Variants in SH3TC1 observed in about 807,000 individuals in gnomAD.
The protein encoded by SH3TC1 is SH3 domain and tetratricopeptide repeats 1.
In SH3TC1, 135 loss-of-function variants were observed where a neutral mutation model predicts 117.3. The ratio of observed to expected loss-of-function variants is 1.15; its 90% confidence interval spans 1.00 to 1.33. SH3TC1 has a LOEUF of 1.33. Ranked by LOEUF, SH3TC1 falls within the 40% of genes most tolerant of loss-of-function variation. SH3TC1 has a pLI of 0.00. For missense variants in SH3TC1, 2,092 were observed against 1,794.3 expected (o/e 1.17, Z -3.00); for synonymous variants, 898 against 816.9 (o/e 1.10, Z -1.69).
intron 1 of SH3TC1, among the ~76,000 whole-genome samples, chr4:8,184,636 C>T (rs141761132): frequency 0.031 from 4,790 of 152,234 alleles, 254 homozygotes; most frequent in African/African-American, 0.11. Context: ...GCCTCAGCCT[C>T]CCAAAGTACT....
At chr4:8,232,695 C>A in intron 13 of SH3TC1, 1 of 1,290,526 alleles carries the variant, frequency 7.7e-7, no homozygotes, top group Non-Finnish European at 1.0e-6. Flanking sequence ...GCCCTGGCCA[C>A]CCCACCCACA....
rs766447309 is a variant in SH3TC1, at chr4:8,237,592, G to A, written c.3675G>A (p.Pro1225=). The change falls in exon 17 of 18, where the codon CCG becomes CCA. Residue 1225 remains proline, a synonymous_variant. Transcript: ENST00000245105. The stretch of plus-strand genomic sequence containing the variant: ...AGGCCCTGTCGCTCTGCAACTCGCC[G>A]CTGGAGTTTGACGAGGAGACCCTCT... ...YLKALSLCNS[P]LEFDEETLYY... The A allele has an allele frequency of 3.8e-5, 61 of 1,612,460 alleles. No individual in the cohort carries two copies. The Admixed American group carries it at 4.8e-4, about 13-fold the overall frequency.
intron 1 of SH3TC1, among the ~76,000 whole-genome samples, chr4:8,182,460 A>T (rs915880792): frequency 2.0e-5 from 3 of 152,094 alleles, no homozygotes; most frequent in Non-Finnish European, 4.4e-5. Flanking sequence ...CAATAGCCTG[A>T]TGGGTGGAGC....
intron 9 of SH3TC1, among the ~76,000 whole-genome samples, chr4:8,221,842 C>T (rs1719948371): frequency 6.6e-6 from 1 of 152,192 alleles, no homozygotes; most frequent in Admixed American, 6.5e-5. Flanking sequence ...ATTCAGACGT[C>T]ATGTCTTGCC....
chr4:8,216,105 C>T lies in SH3TC1; in HGVS notation c.482-6C>T, dbSNP rs1186629711. 1 of 1,612,606 alleles carries T rather than the reference C, an allele frequency of 6.2e-7. No individual in the cohort carries two copies. The highest frequency in any genetic ancestry group is 1.1e-5 in the South Asian group (1 of 90,982). On this transcript the variant is annotated splice_polypyrimidine_tract_variant and splice_region_variant and intron_variant, in intron 5 of 17. Coordinates refer to ENST00000245105, the MANE Select transcript of SH3TC1 (RefSeq NM_018986.5). The stretch of plus-strand genomic sequence containing the variant: ...GCCCTCGGGTGACTGGGCCTGGCCT[C>T]CACAGGCTTCACTCATCACTGCCTG...
upstream of SH3TC1, among the ~76,000 whole-genome samples, chr4:8,197,363 C>T (rs186769469): frequency 3.6e-4 from 55 of 152,288 alleles, no homozygotes; most frequent in Admixed American, 2.5e-3. Flanking sequence ...GTTTGTGGCA[C>T]ACAGTTGTGG....
upstream of SH3TC1, among the ~76,000 whole-genome samples, chr4:8,198,751 G>A (rs1717645628): frequency 2.0e-5 from 3 of 152,360 alleles, no homozygotes; most frequent in South Asian, 6.2e-4. Context: ...TGTTCCCATT[G>A]ATGGAGCCAG....
In SH3TC1 at chr4:8,205,166, G is replaced by T. The variant is rs939679358; in HGVS notation, c.-28-1G>T. On this transcript the variant is annotated splice_acceptor_variant, in intron 1 of 17. Coordinates refer to ENST00000245105, the MANE Select transcript of SH3TC1 (RefSeq NM_018986.5). LOFTEE classifies it low-confidence loss of function (5UTR_SPLICE). This position sits in a 1 kb window ranked among gnomAD's most constrained non-coding sequence, Gnocchi z 5.4. Reference sequence around the variant, plus strand: ...CCTGACCACACCCCCTCTGTCCACAGGGCCAGGCATGTGAGGTCTCTGCGG... The same window carrying T: ...CCTGACCACACCCCCTCTGTCCACATGGCCAGGCATGTGAGGTCTCTGCGG... 2.8e-5 allele frequency: 41 copies of T among 1,481,418 alleles called. No homozygotes were observed. Among genetic ancestry groups the T allele is most frequent in the Non-Finnish European group, 3.5e-5 (39 of 1,115,488 alleles). 91.8% of individuals were successfully genotyped at this position (1,481,418 alleles called of 1,614,324 possible).
rs1211517792 is a variant in SH3TC1 at position 8,235,592 on chromosome 4, G to T, written c.3405+37G>T. The T allele has an allele frequency of 2.0e-6, 3 of 1,525,526 alleles. No individual in the cohort carries two copies. The South Asian group carries it at 3.8e-5, about 19-fold the overall frequency. 94.5% of individuals were successfully genotyped at this position (1,525,526 alleles called of 1,614,324 possible). A position where few individuals can be genotyped will look rare whatever the true frequency, so the allele number is the denominator to read the frequency against. Reference sequence around the variant, plus strand: ...TGTGGGCTGATGTGGGTGGGCCCCAGGGGGGGCACCTTGAGGGCTGAGGCA... The same window carrying T: ...TGTGGGCTGATGTGGGTGGGCCCCATGGGGGGCACCTTGAGGGCTGAGGCA... On this transcript the variant is annotated intron_variant, in intron 15 of 17. Coordinates refer to ENST00000245105, the MANE Select transcript of SH3TC1 (RefSeq NM_018986.5).
rs1469662872 is a variant in SH3TC1 at position 8,205,228 on chromosome 4, C to G, written c.34C>G (p.Pro12Ala). 16 of 1,547,754 alleles carry G rather than the reference C, an allele frequency of 1.0e-5. No individual in the cohort carries two copies. Among genetic ancestry groups the G allele is most frequent in the Non-Finnish European group, 8.7e-7 (1 of 1,146,252 alleles). ...ENLPAVTTEE[P>A]TPMGRGPVGP... ...CCTCCCTGCCGTGACCACTGAGGAG[C>G]CGACCCCCATGGGGAGGGGTCCTGT... The change falls in exon 2 of 18, where the codon CCG becomes GCG. Residue 12 changes from proline to alanine, a missense_variant. Coordinates refer to ENST00000245105, the MANE Select transcript of SH3TC1 (RefSeq NM_018986.5). This position sits in a 1 kb window ranked among gnomAD's most constrained non-coding sequence, Gnocchi z 5.4.
At chr4:8,229,840 A>T (rs1720983576) in intron 12 of SH3TC1, among the ~76,000 whole-genome samples, 1 of 151,970 alleles carries the variant, frequency 6.6e-6, no homozygotes, top group Non-Finnish European at 1.5e-5. Flanking sequence ...GGCACCTCCT[A>T]CGAGGCCCTC....
chr4:8,199,252 T>C (rs993675689), upstream of SH3TC1: 1 of 152,288 alleles, frequency 6.6e-6, no homozygotes, highest in Non-Finnish European at 1.5e-5. Context: ...GAGGCCGCTG[T>C]GCAGTCAGCC....
chr4:8,193,775 G>T (rs909351395), intron 1 of SH3TC1, among the ~76,000 whole-genome samples: 2 of 152,194 alleles, frequency 1.3e-5, no homozygotes, highest in African/African-American at 4.8e-5. Context: ...CCTGGAGGTG[G>T]GGAGTGGGAC....
rs1720781288 is a variant in SH3TC1, at chr4:8,228,457, G to C, written c.2763G>C (p.Leu921=). The change falls in exon 12 of 18, where the codon CTG becomes CTC. Residue 921 remains leucine (L), a synonymous_variant. Coordinates refer to ENST00000245105, the MANE Select transcript of SH3TC1 (RefSeq NM_018986.5). ...ALCLHAGASR[L]AQHYLLEAVR... Reference sequence around the variant, plus strand: ...GCCTGCATGCGGGTGCCAGCAGGCTGGCCCAGCACTACCTCCTGGAGGCCG... The same window carrying C: ...GCCTGCATGCGGGTGCCAGCAGGCTCGCCCAGCACTACCTCCTGGAGGCCG... The C allele has an allele frequency of 6.2e-7, 1 of 1,605,782 alleles. No individual in the cohort carries two copies. Among genetic ancestry groups the C allele is most frequent in the South Asian group, 1.1e-5 (1 of 90,236 alleles).
At chr4:8,239,710 C>T (rs1208560320) in intron 17 of SH3TC1, among the ~76,000 whole-genome samples, 1 of 152,264 alleles carries the variant, frequency 6.6e-6, no homozygotes, top group African/African-American at 2.4e-5. Flanking sequence ...AAGCCCTTGC[C>T]TCCCACCCCA....
chr4:8,191,291 G>A (rs1225785474), intron 1 of SH3TC1, among the ~76,000 whole-genome samples: 1 of 152,224 alleles, frequency 6.6e-6, no homozygotes, highest in African/African-American at 2.4e-5. Context: ...GACAAATCAG[G>A]ACATTCCGGC....
At chr4:8,199,778 C>T (rs959250965) in intron 1 of SH3TC1, among the ~76,000 whole-genome samples, 2 of 152,176 alleles carry the variant, frequency 1.3e-5, no homozygotes, top group African/African-American at 2.4e-5. Flanking sequence ...TCAGGTGTGA[C>T]CCCAGCGCCC....
chr4:8,193,349 T>C (rs1197140936), intron 1 of SH3TC1, among the ~76,000 whole-genome samples: 3 of 152,196 alleles, frequency 2.0e-5, no homozygotes, highest in Non-Finnish European at 4.4e-5. Flanking sequence ...GGTGCAAGCA[T>C]GCTGGCCTCT....
In SH3TC1 at chr4:8,219,418, A is replaced by T; in HGVS notation, c.1000A>T (p.Ile334Phe). The T allele has an allele frequency of 6.2e-7, 1 of 1,611,280 alleles. No individual in the cohort carries two copies. The highest frequency in any genetic ancestry group is 1.1e-5 in the South Asian group (1 of 90,982). The change falls in exon 9 of 18, where the codon ATC becomes TTC. Residue 334 changes from isoleucine (I) to phenylalanine (F), a missense_variant. Transcript: ENST00000245105. The part of the protein sequence containing the change: ...MTFRGGDLIE[I>F]LGAQVPSLPW... ...CTTCCGAGGTGGCGACCTCATCGAG[A>T]TCCTTGGGGCGCAGGTGCCCAGCCT...
Sources: gnomAD v4.1 joint callset for allele counts (sites outside exome capture counted in the v4.1 genomes callset) on GRCh38, gnomAD v4.1.1 for gene constraint, Gnocchi (gnomAD v3.1) non-coding constraint, MANE v1.5 for transcripts, NCBI Gene and HGNC (gene_info 2026-07-23, HGNC 2026-07-21) for gene names.